Variants in LRP1B observed in about 807,000 individuals in gnomAD.
LRP1B encodes LDL receptor related protein 1B, also known as low-density lipoprotein receptor-related protein 1B.
LRP1B carries 217 observed loss-of-function variants against 556.6 expected under a neutral mutation model. The ratio of observed to expected loss-of-function variants is 0.39; its 90% CI spans 0.35 to 0.44. The LOEUF (loss-of-function observed/expected upper bound fraction) is 0.44. Among genes scored for constraint, LRP1B ranks in the 20% least tolerant of loss-of-function variants. LRP1B has a pLI of 1.00. For missense variants in LRP1B, 5,053 were observed against 5,620.8 expected, an observed-to-expected ratio of 0.90 and a Z score of 3.23; for synonymous variants, 2,047 against 1,865.8, an observed-to-expected ratio of 1.10 and a Z score of -2.50.
intron 20 of LRP1B, among the ~76,000 whole-genome samples, chr2:140,939,035 C>G (rs1279652849): frequency 2.6e-5 from 4 of 151,732 alleles, no homozygotes; most frequent in Non-Finnish European, 4.4e-5. Context: ...TGTACAAACT[C>G]GATTGATATG....
At chr2:141,852,718 C>T (rs1166210396) in intron 1 of LRP1B, among the ~76,000 whole-genome samples, 1 of 151,438 alleles carries the variant, frequency 6.6e-6, no homozygotes, top group Non-Finnish European at 1.5e-5. Context: ...TTTTGTTGAT[C>T]CAGCTAGCTA....
At chr2:141,898,806 T>C (rs1006903044) in intron 1 of LRP1B, among the ~76,000 whole-genome samples, 1 of 152,160 alleles carries the variant, frequency 6.6e-6, no homozygotes. Context: ...CCCTTTCCAT[T>C]TGCCATAATT....
intron 32 of LRP1B, among the ~76,000 whole-genome samples, chr2:140,802,516 TCAC>T (rs996745262): frequency 3.3e-5 from 5 of 152,184 alleles, no homozygotes. Flanking sequence ...CAAAAATTGT[TCAC>T]CACTTCAGAA....
chr2:140,304,255 T>C (rs1284172664), intron 83 of LRP1B, among the ~76,000 whole-genome samples: 13 of 152,018 alleles, frequency 8.6e-5, no homozygotes, highest in East Asian at 1.9e-4. Flanking sequence ...ACAATGGTTG[T>C]TGATGGGACT....
At chr2:141,338,421 T>C (rs765635519) in intron 3 of LRP1B, among the ~76,000 whole-genome samples, 1 of 152,210 alleles carries the variant, frequency 6.6e-6, no homozygotes, top group Non-Finnish European at 1.5e-5. Flanking sequence ...CTGCATCATA[T>C]GGCTCTGTGC....
chr2:140,731,839 TA>T (rs2105500494), intron 35 of LRP1B, among the ~76,000 whole-genome samples: 1 of 150,076 alleles, frequency 6.7e-6, no homozygotes, highest in African/African-American at 2.4e-5. Context: ...CCTCCTATGG[TA>T]AAATATTAAA....
chr2:140,932,540 T>C (rs1695079756), intron 20 of LRP1B, among the ~76,000 whole-genome samples: 1 of 152,096 alleles, frequency 6.6e-6, no homozygotes, highest in Non-Finnish European at 1.5e-5. Context: ...CTAAATATTG[T>C]TTGTGATTCA....
chr2:140,845,719 A>G (rs1440335964), intron 29 of LRP1B, among the ~76,000 whole-genome samples: 1 of 152,142 alleles, frequency 6.6e-6, no homozygotes, highest in Non-Finnish European at 1.5e-5. Context: ...AACCAAAAAT[A>G]TCTTGTGATA....
intron 7 of LRP1B, among the ~76,000 whole-genome samples, chr2:141,101,316 G>C (rs1010158241): frequency 6.6e-6 from 1 of 152,094 alleles, no homozygotes; most frequent in Non-Finnish European, 1.5e-5. Context: ...AGGTACTAGT[G>C]TAGGAAAAGA....
Position 140,485,843 on chromosome 2 carries a change from A to G in LRP1B, c.9244-319T>C, listed in dbSNP as rs564361590. Among the ~76,000 whole-genome samples the G allele has an allele frequency of 8.7e-4, 88 of 101,650 alleles. 1 individual carries two copies. The highest frequency in any genetic ancestry group is 3.7e-3 in the African/African-American group (85 of 22,884). 66.7% of individuals were successfully genotyped at this position (101,650 alleles called of 152,430 possible). ...AAAATTTGGGACAAAATTCTCACGC[A>G]CATACACACACACACACACACACAC... On this transcript the variant is annotated intron_variant, in intron 58 of 90. Coordinates refer to ENST00000389484, the MANE Select transcript of LRP1B (RefSeq NM_018557.3).
intron 2 of LRP1B, among the ~76,000 whole-genome samples, chr2:141,581,272 C>T (rs1336698645): frequency 1.3e-5 from 2 of 152,192 alleles, no homozygotes; most frequent in Non-Finnish European, 2.9e-5. Flanking sequence ...CCTAGCTCAT[C>T]TACTTCCATG....
intron 59 of LRP1B, among the ~76,000 whole-genome samples, chr2:140,483,906 C>T (rs1688360055): frequency 6.6e-6 from 1 of 151,748 alleles, no homozygotes; most frequent in Non-Finnish European, 1.5e-5. Flanking sequence ...GCCCAAAGTG[C>T]TGGAATTAGA....
chr2:141,252,652 T>C (rs986488376), intron 4 of LRP1B, among the ~76,000 whole-genome samples: 2 of 152,180 alleles, frequency 1.3e-5, no homozygotes, highest in Non-Finnish European at 2.9e-5. Flanking sequence ...GATTATGCTG[T>C]TCAGGAGAGC....
In LRP1B at chr2:141,032,207, T is replaced by C. The variant is rs72975060; in HGVS notation, c.1790-12105A>G. ...TATGGGTTTTGTTGATTTAAGTATA[T>C]ATAGCTCTACCTCATTCATTTTAAC... On this transcript the variant is annotated intron_variant, in intron 11 of 90. Transcript: ENST00000389484. Among the ~76,000 whole-genome samples the C allele has an allele frequency of 3.7e-3, 570 of 152,244 alleles. 6 individuals are homozygous for C. Among genetic ancestry groups the C allele is most frequent in the African/African-American group, 0.013 (553 of 41,580 alleles).
At chr2:141,623,425 G>A (rs1180941091) in intron 2 of LRP1B, among the ~76,000 whole-genome samples, 3 of 152,086 alleles carry the variant, frequency 2.0e-5, no homozygotes, top group East Asian at 3.9e-4. Flanking sequence ...TTCCAAAGAA[G>A]TGCTTTCTTA....
rs1196440516 is a variant in LRP1B, at chr2:140,817,245, A to C, written c.5210-3439T>G. ...ATACAGTCTCATTTTTATAAGACAT[A>C]TTTAACTAATTTTTGAAATCATCTG... On this transcript the variant is annotated intron_variant, in intron 31 of 90. Transcript: ENST00000389484. 2.0e-5 allele frequency among the ~76,000 whole-genome samples: 3 copies of C among 152,244 alleles called. No individual in the cohort carries two copies. In the East Asian group the frequency reaches 5.8e-4, roughly 29 times the overall value.
At chr2:141,966,346 G>A (rs1166506402) in intron 1 of LRP1B, among the ~76,000 whole-genome samples, 3 of 151,540 alleles carry the variant, frequency 2.0e-5, no homozygotes, top group African/African-American at 7.3e-5. Flanking sequence ...AGCCTGTAAT[G>A]GAAAAGGGGG....
intron 86 of LRP1B, among the ~76,000 whole-genome samples, chr2:140,264,565 AATCACCT>A (rs1459746006): frequency 1.3e-5 from 2 of 152,026 alleles, no homozygotes; most frequent in African/African-American, 4.8e-5. Context: ...TTTGAAACTC[AATCACCT>A]CTTTAAAGGC....
At chr2:141,714,697 G>T (rs545457960) in intron 2 of LRP1B, among the ~76,000 whole-genome samples, 13 of 152,188 alleles carry the variant, frequency 8.5e-5, no homozygotes, top group African/African-American at 2.9e-4. Context: ...TTCTGAGCAG[G>T]GTTCAGAGTT....
Sources: gnomAD v4.1 joint callset for allele counts (sites outside exome capture counted in the v4.1 genomes callset) on GRCh38, gnomAD v4.1.1 for gene constraint, MANE v1.5 for transcripts, NCBI Gene and HGNC (gene_info 2026-07-23, HGNC 2026-07-21) for gene names.